Variants in POU6F2 observed in about 807,000 individuals in gnomAD.
POU6F2 encodes the protein POU domain, class 6, transcription factor 2.
A neutral mutation model predicts 71.3 loss-of-function variants in POU6F2; 31 were observed. The observed-to-expected ratio is 0.43, with a 90% CI of 0.33 to 0.59. The LOEUF (loss-of-function observed/expected upper bound fraction) is 0.59. Among genes scored for constraint, POU6F2 ranks in the 20% least tolerant of loss-of-function variants. The pLI, the probability that POU6F2 is intolerant of heterozygous loss-of-function variation, is 0.04. For missense variants in POU6F2, 783 were observed against 856.8 expected, an observed-to-expected ratio of 0.91 and a Z score of 1.07; for synonymous variants, 347 against 355.7, an observed-to-expected ratio of 0.98 and a Z score of 0.27.
chr7:39,315,964 A>G (rs1264615948), intron 4 of POU6F2, among the ~76,000 whole-genome samples: 1 of 152,178 alleles, frequency 6.6e-6, no homozygotes, highest in African/African-American at 2.4e-5. Flanking sequence ...AAATTCTGCC[A>G]GTTAAGATGA....
intron 7 of POU6F2, among the ~76,000 whole-genome samples, chr7:39,437,565 A>G (rs1788278494): frequency 6.6e-6 from 1 of 151,958 alleles, no homozygotes; most frequent in African/African-American, 2.4e-5. Flanking sequence ...ATTTTTTTCA[A>G]AAAACCAGCT....
intron 6 of POU6F2, among the ~76,000 whole-genome samples, chr7:39,430,749 A>G (rs2073540): frequency 0.34 from 51,055 of 151,958 alleles, 9,642 homozygotes; most frequent in East Asian, 0.58. Context: ...TCTTAATCGC[A>G]CCGACACCCT....
intron 6 of POU6F2, among the ~76,000 whole-genome samples, chr7:39,415,071 T>G (rs1423574728): frequency 1.3e-5 from 2 of 152,178 alleles, no homozygotes; most frequent in Non-Finnish European, 2.9e-5. Context: ...TTGCCTAGGC[T>G]GGAGTGCAAT....
At chr7:39,249,991 A>T (rs1783885199) in intron 4 of POU6F2, among the ~76,000 whole-genome samples, 1 of 152,236 alleles carries the variant, frequency 6.6e-6, no homozygotes, top group Admixed American at 6.5e-5. Flanking sequence ...TGCATGGTCA[A>T]TCTGCAGGCA....
chr7:39,101,822 G>A (rs1791580738), intron 2 of POU6F2, among the ~76,000 whole-genome samples: 1 of 152,128 alleles, frequency 6.6e-6, no homozygotes, highest in Non-Finnish European at 1.5e-5. Flanking sequence ...AAACATCACA[G>A]TGTATTCCAT....
intron 4 of POU6F2, among the ~76,000 whole-genome samples, chr7:39,216,863 A>G (rs539424867): frequency 2.0e-5 from 3 of 152,288 alleles, no homozygotes; most frequent in Admixed American, 2.0e-4. Flanking sequence ...ACAGAAGCTG[A>G]CAGTAAAATA....
chr7:39,306,119 A>G (rs111436653), intron 4 of POU6F2, among the ~76,000 whole-genome samples: 14 of 152,334 alleles, frequency 9.2e-5, no homozygotes, highest in African/African-American at 3.4e-4. Context: ...CTTCTAATAA[A>G]TAGAAACCAG....
rs1162865518 is a variant in POU6F2 at position 39,079,180 on chromosome 7, CTTTTTTT to C, written c.106-6662_106-6656del. On this transcript the variant is annotated intron_variant, in intron 1 of 9. Transcript: ENST00000518318. ...TTATCTCACTTGAGTCTCACAATAT[CTTTTTTT>C]TTTTTTTTTTTTTTTTTCCGAGACG... Among the ~76,000 whole-genome samples, 9 of 79,326 alleles carry C rather than the reference CTTTTTTT, an allele frequency of 1.1e-4. No homozygotes were observed. In the South Asian group the frequency reaches 2.9e-3, roughly 26 times the overall value. 52.0% of individuals were successfully genotyped at this position (79,326 alleles called of 152,430 possible).
chr7:39,322,310 A>G (rs1166398019), intron 4 of POU6F2, among the ~76,000 whole-genome samples: 4 of 152,172 alleles, frequency 2.6e-5, no homozygotes, highest in African/African-American at 9.7e-5. Flanking sequence ...TGCTCACTCA[A>G]CAGGGCAACG....
At chr7:39,134,679 C>A (rs759685342) in intron 2 of POU6F2, among the ~76,000 whole-genome samples, 4 of 152,182 alleles carry the variant, frequency 2.6e-5, no homozygotes, top group African/African-American at 9.7e-5. Context: ...TCCAATACCC[C>A]ACTCCAATCT....
At chr7:39,156,750 A>G (rs970954416) in intron 2 of POU6F2, among the ~76,000 whole-genome samples, 6 of 152,174 alleles carry the variant, frequency 3.9e-5, no homozygotes, top group South Asian at 2.1e-4. Flanking sequence ...ATTCAGGAAG[A>G]TTCAAGATGA....
intron 1 of POU6F2, among the ~76,000 whole-genome samples, chr7:39,077,766 A>G (rs1008712716): frequency 1.3e-5 from 2 of 152,198 alleles, no homozygotes; most frequent in Non-Finnish European, 2.9e-5. Context: ...TTCTTTCAAG[A>G]TGATTCTGGA....
intron 1 of POU6F2, chr7:38,984,157 T>C (rs1788402770): frequency 6.6e-6 from 1 of 152,068 alleles, no homozygotes; most frequent in Admixed American, 6.6e-5. Context: ...ATTTTTCCCA[T>C]GGGAAAAAGT....
intron 1 of POU6F2, among the ~76,000 whole-genome samples, chr7:39,016,117 A>C (rs1584501267): frequency 2.6e-5 from 3 of 116,350 alleles, no homozygotes; most frequent in African/African-American, 9.9e-5. Flanking sequence ...TATATTATAT[A>C]TTATATCTAT....
chr7:39,297,091 T>C (rs1452188262), intron 4 of POU6F2, among the ~76,000 whole-genome samples: 2 of 152,010 alleles, frequency 1.3e-5, no homozygotes, highest in Non-Finnish European at 2.9e-5. Context: ...TTAAGAAGAG[T>C]TGATGATTAG....
intron 5 of POU6F2, among the ~76,000 whole-genome samples, chr7:39,379,861 A>G (rs1363248317): frequency 6.6e-6 from 1 of 152,184 alleles, no homozygotes; most frequent in Non-Finnish European, 1.5e-5. Flanking sequence ...CGTCATTTTG[A>G]GGTAAAATGC....
intron 3 of POU6F2, 29 bp from the exon 4 acceptor site, chr7:39,207,363 G>C (rs1481277649): frequency 6.3e-7 from 1 of 1,599,592 alleles, no homozygotes; most frequent in Admixed American, 1.7e-5. Flanking sequence ...CCACAGGAAA[G>C]TGAGCTAGCT....
At chr7:39,429,580 G>T (rs1025154539) in intron 6 of POU6F2, among the ~76,000 whole-genome samples, 40 of 152,166 alleles carry the variant, frequency 2.6e-4, no homozygotes, top group Admixed American at 1.7e-3. Flanking sequence ...TTTACAGAGA[G>T]AAGCAGTATT....
intron 4 of POU6F2, among the ~76,000 whole-genome samples, chr7:39,302,588 T>C (rs1367537903): frequency 6.6e-6 from 1 of 152,196 alleles, no homozygotes; most frequent in Non-Finnish European, 1.5e-5. Flanking sequence ...TTGCTTGGAC[T>C]CTCTACAGTG....
Sources: gnomAD v4.1 joint callset for allele counts (sites outside exome capture counted in the v4.1 genomes callset) on GRCh38, gnomAD v4.1.1 for gene constraint, MANE v1.5 for transcripts, NCBI Gene and HGNC (gene_info 2026-07-23, HGNC 2026-07-21) for gene names.